The following CCDC148 variants were observed in gnomAD, a reference collection of about 807,000 sequenced individuals.
CCDC148 encodes the protein coiled-coil domain-containing protein 148.
In CCDC148, 89 loss-of-function variants were observed where a neutral mutation model predicts 85.7. The observed-to-expected ratio is 1.04, with a 90% CI of 0.87 to 1.24. The LOEUF is 1.24. CCDC148 is among the 50% of genes most tolerant of loss of function. The pLI, the probability that CCDC148 is intolerant of heterozygous loss-of-function variation, is 0.00. For missense variants in CCDC148, 692 were observed against 671.7 expected (o/e 1.03, Z -0.33); for synonymous variants, 230 against 213.9 (o/e 1.08, Z -0.66).
chr2:158,272,663 T>C (rs1014297983), intron 9 of CCDC148, among the ~76,000 whole-genome samples: 2 of 152,178 alleles, frequency 1.3e-5, no homozygotes, highest in African/African-American at 4.8e-5. Flanking sequence ...TTGCAGAGGA[T>C]GAGGCAGCCA....
chr2:158,244,475 G>A (rs1475677606), intron 10 of CCDC148, among the ~76,000 whole-genome samples: 3 of 152,072 alleles, frequency 2.0e-5, no homozygotes, highest in Non-Finnish European at 4.4e-5. Flanking sequence ...TAAAAGTCCA[G>A]TTCTTTATGG....
Position 158,347,083 on chromosome 2 carries a change from T to A in CCDC148, c.148-1765A>T, listed in dbSNP as rs191716001. ...ACCAAAAAAATATAAGTACACAGTA[T>A]TTCTAAAATCTGACACTTTAACGTT... On this transcript the variant is annotated intron_variant, in intron 2 of 13. Coordinates refer to ENST00000283233, the MANE Select transcript of CCDC148 (RefSeq NM_138803.4). 2.8e-4 allele frequency among the ~76,000 whole-genome samples: 42 copies of A among 152,298 alleles called. 1 individual carries two copies. The East Asian group carries it at 7.1e-3, about 26-fold the overall frequency.
chr2:158,244,197 C>T (rs1165027561), intron 10 of CCDC148, among the ~76,000 whole-genome samples: 1 of 152,174 alleles, frequency 6.6e-6, no homozygotes, highest in South Asian at 2.1e-4. Flanking sequence ...TCCAAAGCCA[C>T]TTCTGCATTT....
intron 1 of CCDC148, among the ~76,000 whole-genome samples, chr2:158,360,446 C>T (rs1374906042): frequency 4.6e-5 from 7 of 152,102 alleles, no homozygotes; most frequent in Admixed American, 2.0e-4. Context: ...TGGTGGGTGG[C>T]CCCTCTGGGA....
At chr2:158,338,535 G>A in intron 7 of CCDC148, 191 bp downstream of exon 7, 1 of 485,338 alleles carries the variant, frequency 2.1e-6, no homozygotes. Flanking sequence ...AAAATCTTAA[G>A]AACTATTATG....
chr2:158,440,955 G>A (rs1405897680), intron 1 of CCDC148, among the ~76,000 whole-genome samples: 1 of 152,102 alleles, frequency 6.6e-6, no homozygotes, highest in African/African-American at 2.4e-5. Context: ...GCTGAGTCAG[G>A]AGCATTGCTT....
At chr2:158,253,644 A>C (rs1688893657) in intron 9 of CCDC148, among the ~76,000 whole-genome samples, 1 of 151,646 alleles carries the variant, frequency 6.6e-6, no homozygotes. Flanking sequence ...AGTAACTTTT[A>C]TTTAATCCTT....
At chr2:158,348,548 T>C (rs1036882047) in intron 2 of CCDC148, among the ~76,000 whole-genome samples, 13 of 152,046 alleles carry the variant, frequency 8.6e-5, no homozygotes, top group African/African-American at 3.1e-4. Context: ...TTTGAAATTA[T>C]TAAGACATTA....
At chr2:158,333,375 T>C (rs1693250069) in intron 7 of CCDC148, among the ~76,000 whole-genome samples, 1 of 152,250 alleles carries the variant, frequency 6.6e-6, no homozygotes, top group African/African-American at 2.4e-5. Flanking sequence ...CACTGTGGTC[T>C]GAGAGACTGT....
At chr2:158,422,109 C>A (rs1342777356) in intron 1 of CCDC148, among the ~76,000 whole-genome samples, 2 of 151,832 alleles carry the variant, frequency 1.3e-5, no homozygotes, top group Non-Finnish European at 1.5e-5. Flanking sequence ...AGCCTACCAA[C>A]AAAAAAAGTC....
At chr2:158,451,974 A>T (rs1688422601) in intron 1 of CCDC148, among the ~76,000 whole-genome samples, 1 of 152,214 alleles carries the variant, frequency 6.6e-6, no homozygotes, top group East Asian at 1.9e-4. Flanking sequence ...AAAATCTCAC[A>T]AAACAAAAAG....
At position 158,354,165 on chromosome 2, in the gene CCDC148, G is replaced by T. The variant is rs1355419633; in HGVS notation, c.147+4284C>A. ...TGACACCCTAACATCACAATTAAAA[G>T]AACTAGAAAAGCAAGAGCAAACACA... On this transcript the variant is annotated intron_variant, in intron 2 of 13. Transcript: ENST00000283233. Among the ~76,000 whole-genome samples the T allele has an allele frequency of 5.3e-5, 8 of 151,872 alleles. No individual in the cohort carries two copies. In the South Asian group the frequency reaches 1.5e-3, roughly 28 times the overall value.
chr2:158,284,377 A>C lies in CCDC148; in HGVS notation c.1110+25056T>G, dbSNP rs367950115. Among the ~76,000 whole-genome samples, 9 of 151,936 alleles carry C rather than the reference A, an allele frequency of 5.9e-5. No homozygotes were observed. In the South Asian group the frequency reaches 1.7e-3, roughly 28 times the overall value. ...TTCAGTATTTTTTATAATTAATAATAAAAATAACAACCTCTTAAAGAACTT... is the reference window on the plus strand; with the variant it reads ...TTCAGTATTTTTTATAATTAATAATCAAAATAACAACCTCTTAAAGAACTT... On this transcript the variant is annotated intron_variant, in intron 9 of 13. Coordinates refer to ENST00000283233, the MANE Select transcript of CCDC148 (RefSeq NM_138803.4).
chr2:158,265,612 T>C (rs1272931827), intron 9 of CCDC148, among the ~76,000 whole-genome samples: 2 of 152,160 alleles, frequency 1.3e-5, no homozygotes, highest in Non-Finnish European at 2.9e-5. Context: ...ACACCAATTG[T>C]ACATCTCCCT....
At chr2:158,201,640 G>C (rs1416831201) in intron 11 of CCDC148, among the ~76,000 whole-genome samples, 1 of 152,066 alleles carries the variant, frequency 6.6e-6, no homozygotes, top group Non-Finnish European at 1.5e-5. Context: ...TGGAACTCCA[G>C]AACATAAGCA....
intron 10 of CCDC148, among the ~76,000 whole-genome samples, chr2:158,223,990 G>A (rs989492330): frequency 2.6e-5 from 4 of 152,218 alleles, no homozygotes; most frequent in African/African-American, 9.7e-5. Flanking sequence ...GACGAGTTGA[G>A]AGAAGAAGGC....
At chr2:158,418,365 T>C (rs1375848850) in intron 1 of CCDC148, among the ~76,000 whole-genome samples, 1 of 152,196 alleles carries the variant, frequency 6.6e-6, no homozygotes, top group Non-Finnish European at 1.5e-5. Flanking sequence ...AAGTCCAATA[T>C]AATAATATCA....
chr2:158,340,287 A>G lies in CCDC148; in HGVS notation c.441T>C (p.His147=), dbSNP rs1682611760. ...LKYRQHHTLQ[H]SHPHIEFNSM... is the part of the protein sequence containing the mutation. ...AGTTAAACTCAATATGTGGGTGTGA[A>G]TGCTGCAAAGTGTGATGCTGTCTGT... The change falls in exon 5 of 14, where the codon CAT becomes CAC. Residue 147 remains histidine, a synonymous_variant. Transcript: ENST00000283233. The G allele has an allele frequency of 6.2e-7, 1 of 1,613,998 alleles. No individual in the cohort carries two copies. Among genetic ancestry groups the G allele is most frequent in the Non-Finnish European group, 8.5e-7 (1 of 1,179,952 alleles).
chr2:158,389,446 A>G (rs537626857), intron 1 of CCDC148, among the ~76,000 whole-genome samples: 1 of 152,348 alleles, frequency 6.6e-6, no homozygotes, highest in South Asian at 2.1e-4. Flanking sequence ...AACTGTGATA[A>G]AGTTAATTGG....
Sources: allele counts gnomAD v4.1 joint callset (sites outside exome capture counted in the v4.1 genomes callset), GRCh38; gene constraint gnomAD v4.1.1; transcripts MANE v1.5; gene names NCBI Gene and HGNC (gene_info 2026-07-23, HGNC 2026-07-21).